Variants in PLEKHA6 observed in about 807,000 individuals in gnomAD.
PLEKHA6 encodes the protein pleckstrin homology domain containing A6.
A neutral mutation model predicts 116.7 loss-of-function variants in PLEKHA6; 60 were observed. That is an observed-to-expected ratio of 0.51 (90% CI 0.42 to 0.64). The LOEUF (loss-of-function observed/expected upper bound fraction) is 0.64. Ranked by LOEUF, PLEKHA6 falls within the 30% of genes least tolerant of loss-of-function variation. The pLI is 0.00. For missense variants in PLEKHA6, 1,338 were observed against 1,422.7 expected (o/e 0.94, Z 0.96); for synonymous variants, 489 against 556.1 (o/e 0.88, Z 1.70).
intron 1 of PLEKHA6, among the ~76,000 whole-genome samples, chr1:204,286,150 G>A (rs1161423920): frequency 6.6e-6 from 1 of 152,204 alleles, no homozygotes; most frequent in Non-Finnish European, 1.5e-5. Flanking sequence ...ACAAGAAGCA[G>A]GTGCCAGAGA....
chr1:204,306,439 C>T (rs1671314527), intron 1 of PLEKHA6, among the ~76,000 whole-genome samples: 2 of 152,296 alleles, frequency 1.3e-5, no homozygotes, highest in African/African-American at 4.8e-5. Flanking sequence ...CAAATTTCTG[C>T]TTTCAGGCAA....
rs553203771 is a variant in PLEKHA6 at position 204,290,788 on chromosome 1, G to A, written c.-94-15979C>T. ...GGAGATCACTTGAGGTCAGGAGTTC[G>A]AGACCAGCCTGGCCAACATGGTGAA... On this transcript the variant is annotated intron_variant, in intron 1 of 22. Coordinates refer to ENST00000272203, the MANE Select transcript of PLEKHA6 (RefSeq NM_014935.5). Among the ~76,000 whole-genome samples, 4 of 152,106 alleles carry A rather than the reference G, an allele frequency of 2.6e-5. No homozygotes were observed. In the South Asian group the frequency reaches 6.2e-4, roughly 24 times the overall value.
chr1:204,285,485 G>GTTT (rs370431108), intron 1 of PLEKHA6, among the ~76,000 whole-genome samples: 50,190 of 148,630 alleles, frequency 0.34, 8,787 homozygotes, highest in East Asian at 0.51. Context: ...TTTTGTTTTT[G>GTTT]TTTTTTTTGA....
At chr1:204,351,139 C>T (rs776171096) in intron 1 of PLEKHA6, among the ~76,000 whole-genome samples, 3 of 148,332 alleles carry the variant, frequency 2.0e-5, no homozygotes, top group Non-Finnish European at 3.0e-5. Context: ...GGGGACCAGC[C>T]GGGCTACCGA....
At chr1:204,229,559 G>A (rs879498187) in intron 18 of PLEKHA6, among the ~76,000 whole-genome samples, 9 of 152,130 alleles carry the variant, frequency 5.9e-5, no homozygotes, top group Non-Finnish European at 8.8e-5. Flanking sequence ...GACTATAGGT[G>A]AATCCACCAT....
At chr1:204,368,817 T>C (rs914392401) in intron 2 of PLEKHA6, 1 of 152,114 alleles carries the variant, frequency 6.6e-6, no homozygotes, top group African/African-American at 2.4e-5. Context: ...GGAAAACAGG[T>C]GGGGATTCTC....
intron 1 of PLEKHA6, among the ~76,000 whole-genome samples, chr1:204,336,983 G>A (rs1672670936): frequency 6.6e-6 from 1 of 152,198 alleles, no homozygotes; most frequent in Admixed American, 6.5e-5. Flanking sequence ...ACTAGCACTG[G>A]AAAGAAAGAA....
intron 1 of PLEKHA6, among the ~76,000 whole-genome samples, chr1:204,286,688 C>T (rs1413733681): frequency 6.6e-6 from 1 of 152,180 alleles, no homozygotes; most frequent in Admixed American, 6.5e-5. Flanking sequence ...GCACAGTTTG[C>T]ATCCCCCATG....
intron 21 of PLEKHA6, among the ~76,000 whole-genome samples, chr1:204,227,876 G>A (rs959531304): frequency 1.3e-5 from 2 of 152,168 alleles, no homozygotes; most frequent in Non-Finnish European, 2.9e-5. Flanking sequence ...CTGAGCTCCT[G>A]GATGCAGCAA....
intron 1 of PLEKHA6, among the ~76,000 whole-genome samples, chr1:204,292,152 C>A (rs562134875): frequency 6.6e-6 from 1 of 152,256 alleles, no homozygotes; most frequent in African/African-American, 2.4e-5. Context: ...GACCTGAATA[C>A]GGTCTTCATC....
At chr1:204,358,699 T>C (rs911381653) in intron 1 of PLEKHA6, among the ~76,000 whole-genome samples, 1 of 152,050 alleles carries the variant, frequency 6.6e-6, no homozygotes, top group Non-Finnish European at 1.5e-5. Context: ...ACACCAGCTC[T>C]GAGCTCCAGC....
chr1:204,294,006 T>A (rs896179037), intron 1 of PLEKHA6, among the ~76,000 whole-genome samples: 1 of 152,250 alleles, frequency 6.6e-6, no homozygotes, highest in African/African-American at 2.4e-5. Context: ...ATCGATGTTA[T>A]TAAGTTTCCT....
At chr1:204,341,997 C>A (rs967558873) in intron 1 of PLEKHA6, among the ~76,000 whole-genome samples, 6 of 152,056 alleles carry the variant, frequency 3.9e-5, no homozygotes, top group African/African-American at 9.7e-5. Flanking sequence ...AGCAGGCTGG[C>A]CAACATGGTG....
intron 1 of PLEKHA6, among the ~76,000 whole-genome samples, chr1:204,303,156 T>C (rs1478357512): frequency 2.0e-5 from 3 of 152,202 alleles, no homozygotes; most frequent in Non-Finnish European, 4.4e-5. Flanking sequence ...CCCATCACTA[T>C]CTAGAAACTG....
chr1:204,302,599 G>A (rs1166554171), intron 1 of PLEKHA6, among the ~76,000 whole-genome samples: 3 of 152,174 alleles, frequency 2.0e-5, no homozygotes, highest in African/African-American at 4.8e-5. Flanking sequence ...ACTGCCAGCC[G>A]GGTACAGTGG....
Position 204,220,946 on chromosome 1 carries a change from A to T in PLEKHA6, c.*1842T>A, listed in dbSNP as rs1041475719. On this transcript the variant is annotated 3_prime_UTR_variant, in exon 23 of 23. Transcript: ENST00000272203. ...TGGCAGGCATGGAAGGCCCTGAAAA[A>T]TCTGTTTCCTGTGGAGGGAGAAAGG... is the stretch of plus-strand genomic sequence containing the variant. The T allele has an allele frequency of 6.6e-6, 1 of 152,014 alleles. No homozygotes were observed. The highest frequency in any genetic ancestry group is 1.5e-5 in the Non-Finnish European group (1 of 68,000). 9.4% of individuals were successfully genotyped at this position (152,014 alleles called of 1,614,324 possible).
chr1:204,271,869 G>A lies in PLEKHA6; in HGVS notation c.102+1757C>T, dbSNP rs190046358. On this transcript the variant is annotated intron_variant, in intron 3 of 22. Transcript: ENST00000272203. ...GTGTCCTTCATTGACCATCATTCCTGTTTCCCAAACCTGTATCACGTATTT... is the reference window on the plus strand; with the variant it reads ...GTGTCCTTCATTGACCATCATTCCTATTTCCCAAACCTGTATCACGTATTT... Among the ~76,000 whole-genome samples, 5 of 152,062 alleles carry A rather than the reference G, an allele frequency of 3.3e-5. No individual in the cohort carries two copies. The East Asian group carries it at 9.7e-4, about 29-fold the overall frequency.
chr1:204,347,650 A>G (rs1258385526), intron 1 of PLEKHA6, among the ~76,000 whole-genome samples: 1 of 151,930 alleles, frequency 6.6e-6, no homozygotes, highest in African/African-American at 2.4e-5. Flanking sequence ...AAAGACAGGC[A>G]TAAGAAATTA....
chr1:204,290,447 T>C (rs1257429400), intron 1 of PLEKHA6, among the ~76,000 whole-genome samples: 2 of 152,162 alleles, frequency 1.3e-5, no homozygotes, highest in Non-Finnish European at 2.9e-5. Flanking sequence ...GGCTTTTCAA[T>C]ACATGGTGCT....
Sources: gnomAD v4.1 joint callset for allele counts (sites outside exome capture counted in the v4.1 genomes callset) on GRCh38, gnomAD v4.1.1 for gene constraint, MANE v1.5 for transcripts, NCBI Gene and HGNC (gene_info 2026-07-23, HGNC 2026-07-21) for gene names.